The following MYOF variants were observed in gnomAD, a reference collection of about 807,000 sequenced individuals.
MYOF encodes fer-1-like 3, myoferlin.
MYOF carries 244 observed loss-of-function variants against 284.2 expected under a neutral mutation model. That is an observed-to-expected ratio of 0.86 (90% CI 0.77 to 0.95). The LOEUF is 0.95. MYOF is among the 40% of genes least tolerant of loss of function. The pLI is 0.00. For missense variants in MYOF, 2,496 were observed against 2,560.6 expected (o/e 0.97, Z 0.54); for synonymous variants, 904 against 919.7 (o/e 0.98, Z 0.31).
At chr10:93,434,443 A>AAC (rs1554863165) in intron 3 of MYOF, among the ~76,000 whole-genome samples, 1 of 151,858 alleles carries the variant, frequency 6.6e-6, no homozygotes, top group African/African-American at 2.4e-5. Flanking sequence ...AAAAAAAAAA[A>AAC]AAAACAAAAA....
intron 11 of MYOF, 129 bp from the exon 12 acceptor site, chr10:93,401,673 A>T: frequency 1.6e-6 from 2 of 1,228,284 alleles, no homozygotes; most frequent in Non-Finnish European, 2.2e-6. Context: ...GGGGCTTAAG[A>T]GTTCAGCCTG....
chr10:93,407,075 A>G (rs1415666020), intron 7 of MYOF, among the ~76,000 whole-genome samples: 1 of 152,070 alleles, frequency 6.6e-6, no homozygotes, highest in Non-Finnish European at 1.5e-5. Flanking sequence ...ATGATTGTCA[A>G]GGTATCATGT....
intron 45 of MYOF, among the ~76,000 whole-genome samples, chr10:93,327,269 G>A (rs1430355309): frequency 6.6e-6 from 1 of 152,060 alleles, no homozygotes; most frequent in East Asian, 1.9e-4. Context: ...GCTCCCCCGA[G>A]CAGGGCTTTC....
intron 46 of MYOF, 200 bp from the exon 47 acceptor site, chr10:93,323,558 C>G: frequency 1.8e-6 from 1 of 568,006 alleles, no homozygotes; most frequent in Non-Finnish European, 3.1e-6. Context: ...CACCCACTTT[C>G]CATTCTCACT....
intron 40 of MYOF, among the ~76,000 whole-genome samples, chr10:93,337,079 T>A (rs573544533): frequency 1.3e-5 from 2 of 151,722 alleles, no homozygotes; most frequent in African/African-American, 4.8e-5. Flanking sequence ...CTTTATATGC[T>A]AGTATTTCTT....
At chr10:93,387,319 G>A (rs1846425118) in intron 19 of MYOF, among the ~76,000 whole-genome samples, 1 of 152,196 alleles carries the variant, frequency 6.6e-6, no homozygotes, top group Non-Finnish European at 1.5e-5. Context: ...CAGATTTGTG[G>A]AACACACAGG....
chr10:93,378,669 A>ATGTGTG (rs1276348555), intron 21 of MYOF, among the ~76,000 whole-genome samples: 4 of 107,044 alleles, frequency 3.7e-5, no homozygotes, highest in Non-Finnish European at 5.2e-5. Flanking sequence ...ATATGTGTAT[A>ATGTGTG]TGTGTGTGTG....
intron 5 of MYOF, among the ~76,000 whole-genome samples, chr10:93,416,477 C>T (rs778309479): frequency 1.1e-4 from 17 of 152,082 alleles, no homozygotes; most frequent in Non-Finnish European, 1.5e-4. Context: ...GAGCCGAGAT[C>T]GCGCCACTGC....
chr10:93,382,375 G>C (rs375831189), intron 19 of MYOF, among the ~76,000 whole-genome samples: 100 of 151,772 alleles, frequency 6.6e-4, no homozygotes, highest in African/African-American at 2.3e-3. Context: ...TGCGACTACA[G>C]GTGCGTGCCA....
At chr10:93,461,093 T>TAAGAAAAGAAAAGAA (rs3980372) in intron 1 of MYOF, among the ~76,000 whole-genome samples, 412 of 151,636 alleles carry the variant, frequency 2.7e-3, no homozygotes, top group African/African-American at 8.5e-3. Flanking sequence ...AAACTCCATC[T>TAAGAAAAGAAAAGAA]AAGAAAAGAA....
At chr10:93,367,537 T>G (rs563547098) in intron 25 of MYOF, among the ~76,000 whole-genome samples, 41 of 152,270 alleles carry the variant, frequency 2.7e-4, no homozygotes, top group African/African-American at 9.9e-4. Context: ...CTAAAGGAAC[T>G]GTTATCCTAA....
At chr10:93,474,592 C>T (rs1271852356) in intron 1 of MYOF, among the ~76,000 whole-genome samples, 2 of 152,140 alleles carry the variant, frequency 1.3e-5, no homozygotes, top group Non-Finnish European at 2.9e-5. Flanking sequence ...AGACTTAGTT[C>T]CAGAAATACT....
At chr10:93,403,269 C>CCTCCTT (rs1271304742) in intron 9 of MYOF, among the ~76,000 whole-genome samples, 1 of 152,242 alleles carries the variant, frequency 6.6e-6, no homozygotes, top group Admixed American at 6.5e-5. Context: ...TCCTCCTCCT[C>CCTCCTT]CTCCTTCTCC....
chr10:93,452,170 G>T (rs376689469), intron 2 of MYOF, 29 bp from the exon 3 acceptor site: 2 of 1,437,994 alleles, frequency 1.4e-6, no homozygotes, highest in Non-Finnish European at 1.9e-6. Flanking sequence ...TGAAAAAAGA[G>T]AAAAAAAAAG....
intron 30 of MYOF, 30 bp downstream of exon 30, chr10:93,356,645 T>C (rs1340493318): frequency 6.3e-7 from 1 of 1,597,312 alleles, no homozygotes; most frequent in East Asian, 2.2e-5. Flanking sequence ...TACACCAATA[T>C]GATCTGCGCT....
intron 3 of MYOF, among the ~76,000 whole-genome samples, chr10:93,448,369 C>A (rs1379347907): frequency 6.6e-6 from 1 of 152,188 alleles, no homozygotes; most frequent in Non-Finnish European, 1.5e-5. Context: ...TGACAACTTT[C>A]CCTTTTCCTC....
chr10:93,387,033 G>A (rs1199876451), intron 19 of MYOF, among the ~76,000 whole-genome samples: 2 of 152,214 alleles, frequency 1.3e-5, no homozygotes, highest in Non-Finnish European at 2.9e-5. Context: ...CTGACCCCAT[G>A]AGCTTTGAGA....
chr10:93,394,512 G>A (rs1217270091), intron 16 of MYOF, among the ~76,000 whole-genome samples: 1 of 126,392 alleles, frequency 7.9e-6, no homozygotes, highest in African/African-American at 2.9e-5. Context: ...CCAGGCTGGA[G>A]TGCAGTGGCG....
intron 16 of MYOF, among the ~76,000 whole-genome samples, chr10:93,393,892 A>T (rs1408900814): frequency 6.6e-6 from 1 of 152,248 alleles, no homozygotes; most frequent in Non-Finnish European, 1.5e-5. Context: ...AATTTTAAAA[A>T]TCAAAATACA....
Sources: gnomAD v4.1 joint callset for allele counts (sites outside exome capture counted in the v4.1 genomes callset) on GRCh38, gnomAD v4.1.1 for gene constraint, MANE v1.5 for transcripts, NCBI Gene and HGNC (gene_info 2026-07-23, HGNC 2026-07-21) for gene names.